The following CACNA1E variants were observed in gnomAD, a reference collection of about 807,000 sequenced individuals.
CACNA1E encodes calcium voltage-gated channel subunit alpha1 E.
Under a neutral mutation model 259.2 loss-of-function variants are expected in CACNA1E, and 40 were observed. That is an observed-to-expected ratio of 0.15 (90% CI 0.12 to 0.20). The LOEUF (loss-of-function observed/expected upper bound fraction) is 0.20, where lower values mean the gene tolerates loss of function less well. Among genes scored for constraint, CACNA1E ranks in the 10% least tolerant of loss-of-function variants. CACNA1E has a pLI of 1.00. For synonymous variants in CACNA1E, 1,104 were observed against 1,138.5 expected (o/e 0.97, Z 0.61); for missense variants, 1,874 against 3,040.1 (o/e 0.62, Z 9.02).
At chr1:181,682,540 A>G (rs1037717368) in intron 7 of CACNA1E, among the ~76,000 whole-genome samples, 1 of 152,156 alleles carries the variant, frequency 6.6e-6, no homozygotes, top group South Asian at 2.1e-4. Flanking sequence ...GGCTGGTTGT[A>G]TTAGTCTGTT....
chr1:181,434,205 G>A (rs1014725409), intron 2 of CACNA1E, among the ~76,000 whole-genome samples: 5 of 152,174 alleles, frequency 3.3e-5, no homozygotes, highest in African/African-American at 1.2e-4. Flanking sequence ...TCATAGGTCT[G>A]TTGTGCAAAT....
intron 2 of CACNA1E, among the ~76,000 whole-genome samples, chr1:181,435,630 A>G (rs1442069227): frequency 6.6e-6 from 1 of 152,154 alleles, no homozygotes; most frequent in Non-Finnish European, 1.5e-5. Flanking sequence ...AACCATGGCC[A>G]TTTATTTATG....
chr1:181,794,991 G>A lies in CACNA1E; in HGVS notation c.6155G>A (p.Arg2052Gln), dbSNP rs192353760. 48 of 1,613,976 alleles carry A rather than the reference G, an allele frequency of 3.0e-5. No homozygotes were observed. The highest frequency in any genetic ancestry group is 3.3e-5 in the South Asian group (3 of 91,084). Residue 2052 changes from arginine to glutamine, a missense_variant, in exon 46 of 48, where the codon CGG becomes CAG. Arg to Gln is a conservative substitution (Grantham distance 43, BLOSUM62 1). This residue lies in a region of CACNA1E where 542 missense variants were observed against 587.2 expected (regional missense o/e 0.92). Transcript: ENST00000367573. The stretch of plus-strand genomic sequence containing the variant: ...GAAAATACCTACAAGTCCCGTCGCC[G>A]GAGTTACCACTCCTCCTTGCGGCTG... Reference protein sequence around the residue: ...SSENTYKSRRRSYHSSLRLSA... With the variant: ...SSENTYKSRRQSYHSSLRLSA...
chr1:181,690,112 T>C (rs1259652407), intron 7 of CACNA1E, among the ~76,000 whole-genome samples: 7 of 152,228 alleles, frequency 4.6e-5, no homozygotes, highest in African/African-American at 1.7e-4. Context: ...GTTTGGGGTC[T>C]TACGTTTAAG....
chr1:181,621,895 C>T (rs1157739480), intron 6 of CACNA1E, among the ~76,000 whole-genome samples: 1 of 152,116 alleles, frequency 6.6e-6, no homozygotes, highest in East Asian at 1.9e-4. Flanking sequence ...GTTACTGAGC[C>T]AGCTTTGTCA....
chr1:181,510,254 G>A (rs1376851696), intron 1 of CACNA1E, among the ~76,000 whole-genome samples: 1 of 152,188 alleles, frequency 6.6e-6, no homozygotes. Context: ...TGGAGAAGAT[G>A]CTTTGTGTTC....
chr1:181,615,785 G>A (rs865840990), intron 6 of CACNA1E, among the ~76,000 whole-genome samples: 2 of 151,980 alleles, frequency 1.3e-5, no homozygotes, highest in East Asian at 1.9e-4. Flanking sequence ...TTAAATAGAA[G>A]TGGCAATAAT....
chr1:181,615,563 G>A (rs757102359), intron 6 of CACNA1E, among the ~76,000 whole-genome samples: 7 of 152,060 alleles, frequency 4.6e-5, no homozygotes, highest in East Asian at 1.9e-4. Context: ...TCTAGTTTTT[G>A]TTGCCAGTAT....
intron 1 of CACNA1E, among the ~76,000 whole-genome samples, chr1:181,504,339 A>G (rs1665526317): frequency 6.6e-6 from 1 of 152,142 alleles, no homozygotes; most frequent in Non-Finnish European, 1.5e-5. Flanking sequence ...ACAAAAGCAT[A>G]TTCTGCATTA....
chr1:181,758,894 C>A lies in CACNA1E; in HGVS notation c.4605+26C>A. On this transcript the variant is annotated intron_variant, in intron 32 of 47. Coordinates refer to ENST00000367573, the MANE Select transcript of CACNA1E (RefSeq NM_001205293.3). The surrounding 1 kb of genome is among the most constrained non-coding windows in gnomAD (Gnocchi z 4.2). The stretch of plus-strand genomic sequence containing the variant: ...GTATGTTGCTGAATCCTTCCCAGCA[C>A]TGGGCTTGTCTCTTTCTGTTGGGTG... 8.0e-7 allele frequency: 1 copy of A among 1,244,586 alleles called. No homozygotes were observed. Among genetic ancestry groups the A allele is most frequent in the Non-Finnish European group, 1.2e-6 (1 of 848,452 alleles). 77.1% of individuals were successfully genotyped at this position (1,244,586 alleles called of 1,614,324 possible). A position where few individuals can be genotyped will look rare whatever the true frequency, so the allele number is the denominator to read the frequency against.
chr1:181,597,708 T>C (rs918846930), intron 6 of CACNA1E, among the ~76,000 whole-genome samples: 1 of 152,198 alleles, frequency 6.6e-6, no homozygotes, highest in Non-Finnish European at 1.5e-5. Flanking sequence ...GAGGTTTAAT[T>C]TGACTTACAG....
At chr1:181,597,138 A>G (rs1653256330) in intron 6 of CACNA1E, among the ~76,000 whole-genome samples, 1 of 152,148 alleles carries the variant, frequency 6.6e-6, no homozygotes, top group African/African-American at 2.4e-5. Flanking sequence ...CTAATTTGGA[A>G]GAGCTTGCAT....
At chr1:181,716,224 C>A (rs1653878988) in intron 10 of CACNA1E, 95 bp downstream of exon 10, 3 of 683,266 alleles carry the variant, frequency 4.4e-6, no homozygotes, top group Admixed American at 4.9e-5. Context: ...GGAAAGAATC[C>A]AAAGGGTCCA....
At chr1:181,773,674 AG>A (rs1473402940) in intron 37 of CACNA1E, among the ~76,000 whole-genome samples, 1 of 152,192 alleles carries the variant, frequency 6.6e-6, no homozygotes, top group African/African-American at 2.4e-5. Context: ...CCAGTAGTCA[AG>A]GGGTGAAACC....
chr1:181,796,226 G>A (rs1021026301), intron 46 of CACNA1E, among the ~76,000 whole-genome samples: 3 of 152,128 alleles, frequency 2.0e-5, no homozygotes, highest in Non-Finnish European at 4.4e-5. Context: ...TGACATACCT[G>A]GAGAAGCCAG....
chr1:181,568,674 C>A (rs941561293), intron 3 of CACNA1E, among the ~76,000 whole-genome samples: 6 of 152,132 alleles, frequency 3.9e-5, no homozygotes, highest in African/African-American at 9.7e-5. Context: ...TGATTCACTG[C>A]AGCCTCTATC....
intron 2 of CACNA1E, among the ~76,000 whole-genome samples, chr1:181,462,604 T>C (rs1342418494): frequency 3.3e-5 from 5 of 152,232 alleles, no homozygotes; most frequent in Admixed American, 3.3e-4. Flanking sequence ...CAGATGCATT[T>C]TGTATGCTCA....
chr1:181,595,843 A>G (rs182960000), intron 6 of CACNA1E, among the ~76,000 whole-genome samples: 1 of 152,334 alleles, frequency 6.6e-6, no homozygotes, highest in Admixed American at 6.5e-5. Context: ...GCGCTACTAT[A>G]GGCAGCTGTA....
rs1445129697 is a variant in CACNA1E, at chr1:181,793,653, G to A, written c.5899-12G>A. On this transcript the variant is annotated splice_polypyrimidine_tract_variant and intron_variant, in intron 44 of 47. Transcript: ENST00000367573. The stretch of plus-strand genomic sequence containing the variant: ...CCAAGTCCCACAAGCTTGGCTGTGT[G>A]TTTATTTCCAGGAGCCAGAGGTTAG... 1.2e-6 allele frequency: 2 copies of A among 1,607,660 alleles called. No individual in the cohort carries two copies. The highest frequency in any genetic ancestry group is 2.2e-5 in the South Asian group (2 of 89,512).
Sources: allele counts gnomAD v4.1 joint callset (sites outside exome capture counted in the v4.1 genomes callset), GRCh38; gene constraint gnomAD v4.1.1; regional missense constraint gnomAD v4.1.1; non-coding constraint Gnocchi (gnomAD v3.1); transcripts MANE v1.5; gene names NCBI Gene and HGNC (gene_info 2026-07-23, HGNC 2026-07-21).